NTRK3: variants seen among roughly 807,000 people sequenced by gnomAD.
NTRK3 encodes NT-3 growth factor receptor.
Under a neutral mutation model 91.7 loss-of-function variants are expected in NTRK3, and 24 were observed. That is an observed-to-expected ratio of 0.26 (90% CI 0.19 to 0.37). The LOEUF (loss-of-function observed/expected upper bound fraction) is 0.37. Ranked by LOEUF, NTRK3 falls within the 10% of genes least tolerant of loss-of-function variation. The probability of loss-of-function intolerance (pLI) is 1.00; values close to 1 mark genes in which losing one functional copy is unlikely to be tolerated. For synonymous variants in NTRK3, 483 were observed against 404.0 expected (o/e 1.20, Z -2.34); for missense variants, 880 against 1,068.9 (o/e 0.82, Z 2.46).
intron 13 of NTRK3, among the ~76,000 whole-genome samples, chr15:88,044,866 A>C (rs937856401): frequency 2.2e-4 from 33 of 152,288 alleles, no homozygotes; most frequent in Admixed American, 1.7e-3. Flanking sequence ...CTTTTATTAG[A>C]AAATATTTGC....
chr15:88,134,768 A>C lies in NTRK3; in HGVS notation c.1204+333T>G, dbSNP rs76681114. ...AAATTGATGCTTAGAAAAGCAAACTATCAGGCCCAGAGTCTCCCCACAAGT... is the reference window on the plus strand; with the variant it reads ...AAATTGATGCTTAGAAAAGCAAACTCTCAGGCCCAGAGTCTCCCCACAAGT... On this transcript the variant is annotated intron_variant, in intron 10 of 18. Transcript: ENST00000394480. Among the ~76,000 whole-genome samples, 293 of 152,330 alleles carry C rather than the reference A, an allele frequency of 1.9e-3. 1 individual carries two copies. Among genetic ancestry groups the C allele is most frequent in the African/African-American group, 6.8e-3 (281 of 41,580 alleles).
In NTRK3 at chr15:88,116,867, C is replaced by T. The variant is rs192210376; in HGVS notation, c.1396+9404G>A. Among the ~76,000 whole-genome samples, 14 of 152,292 alleles carry T rather than the reference C, an allele frequency of 9.2e-5. No individual in the cohort carries two copies. In the East Asian group the frequency reaches 2.7e-3, roughly 29 times the overall value. On this transcript the variant is annotated intron_variant, in intron 13 of 18. Coordinates refer to ENST00000394480, the Ensembl canonical transcript of NTRK3. The stretch of plus-strand genomic sequence containing the variant: ...GGATCACTCAGAGAAATTGCTTGTA[C>T]CCCAATCACCCCAAGTTTGATTCAG...
exon 19 of NTRK3, chr15:87,873,505 G>A (rs1174317648): frequency 8.6e-6 from 2 of 231,780 alleles, no homozygotes; most frequent in Non-Finnish European, 1.7e-5. Flanking sequence ...GCATGGCAGA[G>A]AGACCAGCCT....
chr15:88,142,158 A>G (rs1194178072), intron 6 of NTRK3, among the ~76,000 whole-genome samples: 1 of 151,990 alleles, frequency 6.6e-6, no homozygotes, highest in African/African-American at 2.4e-5. Context: ...CACATCCTAA[A>G]TCTAAATGAT....
At chr15:88,162,794 T>G (rs2044588208) in intron 5 of NTRK3, among the ~76,000 whole-genome samples, 6 of 152,176 alleles carry the variant, frequency 3.9e-5, no homozygotes. Context: ...CTCCTCTTTC[T>G]CCAGCTTCCT....
chr15:88,254,476 T>C (rs1312474839), intron 3 of NTRK3, among the ~76,000 whole-genome samples: 1 of 152,158 alleles, frequency 6.6e-6, no homozygotes, highest in Non-Finnish European at 1.5e-5. Flanking sequence ...GCTTGTCTCC[T>C]GGGCCAGGAG....
At chr15:87,940,493 G>A (rs1202027145) in intron 15 of NTRK3, 130 bp downstream of exon 15, 2 of 1,454,510 alleles carry the variant, frequency 1.4e-6, no homozygotes, top group Admixed American at 1.7e-5. Context: ...TGACCTCGGA[G>A]CAAAGTCCTT....
intron 14 of NTRK3, among the ~76,000 whole-genome samples, chr15:88,020,824 A>G (rs1394194382): frequency 6.6e-6 from 1 of 152,172 alleles, no homozygotes; most frequent in Non-Finnish European, 1.5e-5. Flanking sequence ...CCCCTAGTTC[A>G]GCTCATTCTC....
Position 88,042,163 on chromosome 15 carries a change from G to A in NTRK3, c.1397-9118C>T, listed in dbSNP as rs569554632. Among the ~76,000 whole-genome samples the A allele has an allele frequency of 3.9e-5, 6 of 152,284 alleles. No individual in the cohort carries two copies. The East Asian group carries it at 1.2e-3, about 29-fold the overall frequency. ...GAGCTTCGCATCAACAAATCTGGGA[G>A]CAGGAACTCATAAAACGGAATAAGT... is the stretch of plus-strand genomic sequence containing the variant. On this transcript the variant is annotated intron_variant, in intron 13 of 18. Transcript: ENST00000394480.
chr15:87,917,446 T>C (rs2067523645), intron 17 of NTRK3, among the ~76,000 whole-genome samples: 1 of 152,314 alleles, frequency 6.6e-6, no homozygotes, highest in South Asian at 2.1e-4. Flanking sequence ...CTTCCAGCTA[T>C]ATATTTCTTT....
At chr15:88,117,765 G>T (rs965883494) in intron 13 of NTRK3, among the ~76,000 whole-genome samples, 2 of 152,210 alleles carry the variant, frequency 1.3e-5, no homozygotes, top group African/African-American at 4.8e-5. Flanking sequence ...AAAGAAGCAG[G>T]CACCAGAGTT....
chr15:87,941,109 T>G (rs2069796585), intron 14 of NTRK3, among the ~76,000 whole-genome samples: 1 of 152,170 alleles, frequency 6.6e-6, no homozygotes, highest in South Asian at 2.1e-4. Context: ...ATGAATCCCC[T>G]GGGAATCTTG....
At chr15:88,169,394 A>T (rs2045300641) in intron 5 of NTRK3, among the ~76,000 whole-genome samples, 1 of 152,188 alleles carries the variant, frequency 6.6e-6, no homozygotes, top group Non-Finnish European at 1.5e-5. Flanking sequence ...TGTATGTAAC[A>T]GAGGTTAGGG....
At chr15:88,108,191 T>C (rs915821661) in intron 13 of NTRK3, among the ~76,000 whole-genome samples, 1 of 152,166 alleles carries the variant, frequency 6.6e-6, no homozygotes, top group African/African-American at 2.4e-5. Flanking sequence ...GCCTTGCTTG[T>C]ATCTGTATCC....
At chr15:87,973,073 C>CAGA (rs916674753) in intron 14 of NTRK3, among the ~76,000 whole-genome samples, 2 of 152,186 alleles carry the variant, frequency 1.3e-5, no homozygotes, top group African/African-American at 4.8e-5. Context: ...CAGGAGCATA[C>CAGA]AGAACCTTTG....
At chr15:87,954,314 G>A (rs780452486) in intron 14 of NTRK3, among the ~76,000 whole-genome samples, 1 of 152,080 alleles carries the variant, frequency 6.6e-6, no homozygotes, top group Non-Finnish European at 1.5e-5. Context: ...TTCCCTCTAT[G>A]TCTCCTCTCT....
At chr15:87,961,736 T>C (rs572645365) in intron 14 of NTRK3, among the ~76,000 whole-genome samples, 167 of 152,372 alleles carry the variant, frequency 1.1e-3, no homozygotes, top group African/African-American at 3.9e-3. Context: ...AAGCAACAGA[T>C]GGACATTGGT....
At chr15:87,920,075 C>A (rs1035061073) in intron 17 of NTRK3, among the ~76,000 whole-genome samples, 1 of 152,298 alleles carries the variant, frequency 6.6e-6, no homozygotes, top group South Asian at 2.1e-4. Flanking sequence ...AAAGTGAAAT[C>A]TCTGATTTGG....
Position 88,083,187 on chromosome 15 carries a change from C to G in NTRK3, c.1396+43084G>C, listed in dbSNP as rs377521980. Among the ~76,000 whole-genome samples the G allele has an allele frequency of 7.9e-5, 12 of 152,236 alleles. No individual in the cohort carries two copies. In the East Asian group the frequency reaches 1.9e-3, roughly 25 times the overall value. ...CCCTCCTCTCCACCCCTGCACGGTC[C>G]TCTGTTCCTGGCCACAGGAGAGAGG... On this transcript the variant is annotated intron_variant, in intron 13 of 18. Coordinates refer to ENST00000394480, the Ensembl canonical transcript of NTRK3.
Sources: gnomAD v4.1 joint callset for allele counts (sites outside exome capture counted in the v4.1 genomes callset) on GRCh38, gnomAD v4.1.1 for gene constraint, MANE v1.5 for transcripts, NCBI Gene and HGNC (gene_info 2026-07-23, HGNC 2026-07-21) for gene names.